The following DOCK2 variants were observed in gnomAD, a reference collection of about 807,000 sequenced individuals.
The protein encoded by DOCK2 is dedicator of cytokinesis protein 2.
Under a neutral mutation model 248.9 loss-of-function variants are expected in DOCK2, and 87 were observed. That is an observed-to-expected ratio of 0.35 (90% CI 0.29 to 0.42). The LOEUF (loss-of-function observed/expected upper bound fraction) is 0.42, where lower values mean the gene tolerates loss of function less well. DOCK2 is among the 10% of genes least tolerant of loss of function. The pLI, the probability that DOCK2 is intolerant of heterozygous loss-of-function variation, is 1.00. For missense variants in DOCK2, 1,747 were observed against 2,300.2 expected (o/e 0.76, Z 4.92); for synonymous variants, 805 against 821.6 (o/e 0.98, Z 0.35).
At chr5:170,066,295 A>G (rs1196239610) in intron 44 of DOCK2, among the ~76,000 whole-genome samples, 1 of 139,686 alleles carries the variant, frequency 7.2e-6, no homozygotes, top group Non-Finnish European at 1.5e-5. Context: ...TGTAAAAAAA[A>G]ACAAAACAAA....
At chr5:169,901,807 C>G in intron 27 of DOCK2, among the ~76,000 whole-genome samples, 1 of 152,234 alleles carries the variant, frequency 6.6e-6, no homozygotes, top group Non-Finnish European at 1.5e-5. Flanking sequence ...GAGGGGTTTT[C>G]TGGACCCTCA....
intron 26 of DOCK2, among the ~76,000 whole-genome samples, chr5:169,821,571 A>G (rs451258): frequency 0.46 from 70,521 of 151,872 alleles, 17,251 homozygotes; most frequent in African/African-American, 0.62. Context: ...AGCAAATGCT[A>G]AGAGATTTTG....
intron 27 of DOCK2, among the ~76,000 whole-genome samples, chr5:169,880,364 A>C (rs577422349): frequency 6.6e-4 from 101 of 152,378 alleles, no homozygotes; most frequent in African/African-American, 2.1e-3. Flanking sequence ...GGATTCTGCC[A>C]GAGAGAATGA....
intron 30 of DOCK2, 36 bp from the exon 31 acceptor site, chr5:170,008,461 C>T (rs1755151098): frequency 1.2e-6 from 2 of 1,609,496 alleles, no homozygotes; most frequent in Non-Finnish European, 1.7e-6. Flanking sequence ...CGCTTCAGAC[C>T]CTCTCCATAA....
At chr5:170,043,533 A>G (rs187536996) in intron 38 of DOCK2, among the ~76,000 whole-genome samples, 102 of 152,270 alleles carry the variant, frequency 6.7e-4, no homozygotes, top group African/African-American at 2.3e-3. Flanking sequence ...CTGTCCTGTC[A>G]CTGTAGTTTA....
chr5:169,725,645 T>C (rs1762427391), intron 22 of DOCK2, among the ~76,000 whole-genome samples: 1 of 151,782 alleles, frequency 6.6e-6, no homozygotes, highest in Non-Finnish European at 1.5e-5. Flanking sequence ...CTCCTAATGC[T>C]ATTCCTCCCC....
chr5:169,811,376 G>C (rs749164434), intron 26 of DOCK2, among the ~76,000 whole-genome samples: 3 of 152,194 alleles, frequency 2.0e-5, no homozygotes, highest in Non-Finnish European at 4.4e-5. Flanking sequence ...TGCAAGAGCA[G>C]CAGGGTTTTC....
chr5:169,759,582 A>G (rs1271445765), intron 23 of DOCK2, 123 bp from the exon 24 acceptor site: 1 of 1,053,310 alleles, frequency 9.5e-7, no homozygotes, highest in African/African-American at 1.6e-5. Context: ...TTCCATCAAT[A>G]TTGTAATGTC....
At chr5:170,031,680 A>G (rs1561889473) in intron 34 of DOCK2, among the ~76,000 whole-genome samples, 1 of 152,164 alleles carries the variant, frequency 6.6e-6, no homozygotes, top group Non-Finnish European at 1.5e-5. Context: ...CTGAATCCCT[A>G]GTTTCTAGAA....
chr5:169,789,912 G>A (rs1766222823), intron 25 of DOCK2, among the ~76,000 whole-genome samples: 1 of 152,034 alleles, frequency 6.6e-6, no homozygotes, highest in Non-Finnish European at 1.5e-5. Flanking sequence ...CCTCTTTGAA[G>A]TTTGCTTCCA....
chr5:169,800,944 C>CTTTTTTTTTTTTTTTTTTTTTTTTTTT (rs60140740), intron 25 of DOCK2, among the ~76,000 whole-genome samples: 13 of 53,184 alleles, frequency 2.4e-4, no homozygotes, highest in East Asian at 6.5e-4. Context: ...TTCTTTCTTT[C>CTTTTTTTTTTTTTTTTTTTTTTTTTTT]TTTTTTTTTT....
At chr5:170,008,222 C>CAAA (rs1458638799) in intron 30 of DOCK2, among the ~76,000 whole-genome samples, 2 of 49,178 alleles carry the variant, frequency 4.1e-5, no homozygotes, top group East Asian at 3.8e-4. Flanking sequence ...ACAACAACAA[C>CAAA]AACAAAAAAA....
intron 26 of DOCK2, among the ~76,000 whole-genome samples, chr5:169,806,218 A>AGT (rs1252928043): frequency 7.5e-4 from 75 of 100,666 alleles, no homozygotes; most frequent in African/African-American, 2.3e-3. Context: ...TCACCTCGAG[A>AGT]GTTTTTTTTT....
At chr5:170,071,582 G>A (rs921997839) in intron 46 of DOCK2, among the ~76,000 whole-genome samples, 2 of 152,168 alleles carry the variant, frequency 1.3e-5, no homozygotes, top group South Asian at 4.2e-4. Flanking sequence ...TAAAGCTTTT[G>A]TTGTGAAATA....
At chr5:169,894,269 A>G (rs146972127) in intron 27 of DOCK2, among the ~76,000 whole-genome samples, 94 of 152,338 alleles carry the variant, frequency 6.2e-4, no homozygotes, top group African/African-American at 1.9e-3. Flanking sequence ...CCAAAAGGAC[A>G]GCAGAAATTT....
chr5:169,717,799 C>T (rs776024296), intron 21 of DOCK2, among the ~76,000 whole-genome samples: 6 of 152,286 alleles, frequency 3.9e-5, no homozygotes, highest in South Asian at 2.1e-4. Context: ...TGGTGGCTCA[C>T]GCCTGTAATC....
chr5:169,883,281 A>G (rs761437236), intron 27 of DOCK2: 1 of 1,551,632 alleles, frequency 6.4e-7, no homozygotes, highest in South Asian at 1.2e-5. Flanking sequence ...GATAAATATC[A>G]TCTGGAACCT....
At chr5:169,637,835 A>C (rs1756917074) in intron 1 of DOCK2, among the ~76,000 whole-genome samples, 2 of 151,790 alleles carry the variant, frequency 1.3e-5, no homozygotes, top group Non-Finnish European at 2.9e-5. Context: ...GGGTCAGATG[A>C]CTCCTGATTT....
chr5:169,735,860 G>A (rs155340), intron 22 of DOCK2, among the ~76,000 whole-genome samples: 2,878 of 152,024 alleles, frequency 0.019, 99 homozygotes, highest in African/African-American at 0.066. Context: ...TGTACAGGAA[G>A]CATGGCTGGG....
Sources: allele counts gnomAD v4.1 joint callset (sites outside exome capture counted in the v4.1 genomes callset), GRCh38; gene constraint gnomAD v4.1.1; transcripts MANE v1.5; gene names NCBI Gene and HGNC (gene_info 2026-07-23, HGNC 2026-07-21).